The following P2RY8 variants were observed in gnomAD, a reference collection of about 807,000 sequenced individuals.
P2RY8 encodes P2Y receptor family member 8.
Under a neutral mutation model 10.0 loss-of-function variants are expected in P2RY8, and 6 were observed. The observed-to-expected ratio is 0.60, with a 90% CI of 0.33 to 1.19. The LOEUF (loss-of-function observed/expected upper bound fraction) is 1.19, where lower values mean the gene tolerates loss of function less well. P2RY8 is among the 50% of genes most tolerant of loss of function. P2RY8 has a pLI of 0.04. For missense variants in P2RY8, 456 were observed against 542.0 expected (o/e 0.84, Z 1.58); for synonymous variants, 276 against 252.5 (o/e 1.09, Z -0.88).
At chrX:1,491,011 G>A (rs2092041913) in intron 1 of P2RY8, among the ~76,000 whole-genome samples, 1 of 151,174 alleles carries the variant, frequency 6.6e-6, no homozygotes, top group Admixed American at 6.6e-5. Context: ...AATGTGGGGG[G>A]AATGAATGAA....
intron 1 of P2RY8, among the ~76,000 whole-genome samples, chrX:1,481,948 A>G (rs1465972125): frequency 2.0e-5 from 3 of 152,164 alleles, no homozygotes; most frequent in Non-Finnish European, 2.9e-5. Flanking sequence ...CCAACGAAGC[A>G]GACCGTTTGC....
chrX:1,467,945 C>G (rs190671304), intron 1 of P2RY8, among the ~76,000 whole-genome samples: 1 of 139,988 alleles, frequency 7.1e-6, no homozygotes, highest in South Asian at 2.3e-4. Flanking sequence ...TCCTGAGTAG[C>G]TGGGACTACA....
intron 1 of P2RY8, among the ~76,000 whole-genome samples, chrX:1,474,417 G>A (rs774250245): frequency 2.7e-5 from 3 of 111,934 alleles, no homozygotes; most frequent in South Asian, 4.9e-4. Context: ...GTGGATGGAC[G>A]TGTGAGTGGA....
chrX:1,471,794 C>T (rs1232346297), intron 1 of P2RY8, among the ~76,000 whole-genome samples: 13 of 152,090 alleles, frequency 8.5e-5, no homozygotes, highest in Admixed American at 2.0e-4. Flanking sequence ...GATTGCATGC[C>T]GGTGACAGAC....
At position 1,537,061 on chromosome X, in the gene P2RY8, C is replaced by T. The variant is rs1382952548; in HGVS notation, c.-165G>A. ...CACCAGCTTGCAAGCCGTGGTCACT[C>T]AAAGTGCTTGAGAAGGTGTTCGTGG... On this transcript the variant is annotated 5_prime_UTR_variant, in exon 1 of 2. Coordinates refer to ENST00000381297, the MANE Select transcript of P2RY8 (RefSeq NM_178129.5). 4 of 232,658 alleles carry T rather than the reference C, an allele frequency of 1.7e-5. No homozygotes were observed. The highest frequency in any genetic ancestry group is 1.7e-4 in the Admixed American group (3 of 17,768). The allele number at this position is 232,658 out of a possible 1,614,324, so 14.4% of individuals were successfully genotyped here. A position where few individuals can be genotyped will look rare whatever the true frequency, so the allele number is the denominator to read the frequency against.
chrX:1,513,099 C>G (rs1352649624), intron 1 of P2RY8, among the ~76,000 whole-genome samples: 1 of 150,400 alleles, frequency 6.6e-6, no homozygotes. Context: ...TCAACTCCCA[C>G]TTATGAGTGA....
chrX:1,478,582 G>A (rs1398100002), intron 1 of P2RY8, among the ~76,000 whole-genome samples: 3 of 151,930 alleles, frequency 2.0e-5, no homozygotes, highest in South Asian at 4.1e-4. Context: ...GGGTTCAAGC[G>A]ATTCTCTTGC....
At chrX:1,476,455 C>T (rs1415239957) in intron 1 of P2RY8, among the ~76,000 whole-genome samples, 1 of 151,552 alleles carries the variant, frequency 6.6e-6, no homozygotes, top group Admixed American at 6.6e-5. Flanking sequence ...GGCGTGGTGG[C>T]GGGTGCCTGT....
At chrX:1,534,748 A>G (rs2092512198) in intron 1 of P2RY8, among the ~76,000 whole-genome samples, 2 of 152,166 alleles carry the variant, frequency 1.3e-5, no homozygotes, top group Non-Finnish European at 2.9e-5. Context: ...CTCCAAGCGC[A>G]GGGCTGTACG....
intron 1 of P2RY8, among the ~76,000 whole-genome samples, chrX:1,491,798 A>C (rs1269079430): frequency 6.6e-5 from 10 of 152,288 alleles, no homozygotes; most frequent in Non-Finnish European, 2.9e-5. Flanking sequence ...TGAGTAAATG[A>C]ATGAATGAAT....
rs1167925415 is a variant in P2RY8, at chrX:1,466,160, G to C, written c.399C>G (p.Arg133=). 6.2e-7 allele frequency: 1 copy of C among 1,612,160 alleles called. No individual in the cohort carries two copies. The change falls in exon 2 of 2, where the codon CGC becomes CGG. Residue 133 remains arginine (R), a synonymous_variant. Coordinates refer to ENST00000381297, the MANE Select transcript of P2RY8 (RefSeq NM_178129.5). The part of the protein sequence containing the change: ...LGVLYPLSSK[R]WRRRRYAVAA... ...CCACCGCGTAACGACGGCGGCGCCA[G>C]CGCTTGGAGCTGAGCGGGTACAGGA...
intron 1 of P2RY8, among the ~76,000 whole-genome samples, chrX:1,506,541 G>C (rs1159128532): frequency 2.6e-5 from 4 of 152,150 alleles, no homozygotes; most frequent in African/African-American, 9.6e-5. Context: ...AAAGAAGGCA[G>C]AGGAGAGAGA....
intron 1 of P2RY8, among the ~76,000 whole-genome samples, chrX:1,495,971 C>G (rs1320972008): frequency 6.0e-5 from 8 of 132,254 alleles, no homozygotes; most frequent in East Asian, 2.4e-4. Context: ...TCTAAGTCCA[C>G]AAGAGAGGCC....
At chrX:1,472,729 G>A (rs1304652694) in intron 1 of P2RY8, among the ~76,000 whole-genome samples, 1 of 121,998 alleles carries the variant, frequency 8.2e-6, no homozygotes, top group Non-Finnish European at 1.7e-5. Flanking sequence ...GTGGGTGGGT[G>A]GGTGGATGTG....
intron 1 of P2RY8, among the ~76,000 whole-genome samples, chrX:1,511,690 C>T (rs1268772135): frequency 2.0e-5 from 3 of 152,124 alleles, no homozygotes; most frequent in Non-Finnish European, 2.9e-5. Flanking sequence ...CAACCAATCT[C>T]GTGATTTTAA....
intron 1 of P2RY8, among the ~76,000 whole-genome samples, chrX:1,506,687 T>C (rs1381033506): frequency 4.0e-5 from 6 of 151,830 alleles, no homozygotes; most frequent in East Asian, 1.9e-4. Context: ...TCTTTCTTTT[T>C]TTTTTTTTGA....
At chrX:1,530,156 T>TCTATC (rs1306077048) in intron 1 of P2RY8, among the ~76,000 whole-genome samples, 1 of 3,408 alleles carries the variant, frequency 2.9e-4, no homozygotes, top group African/African-American at 4.0e-4. Flanking sequence ...TATGTATGTA[T>TCTATC]GATCTATCTA....
intron 1 of P2RY8, among the ~76,000 whole-genome samples, chrX:1,503,632 C>A (rs1261448830): frequency 6.6e-5 from 10 of 152,064 alleles, no homozygotes; most frequent in African/African-American, 2.4e-4. Context: ...TGGTGGCTCA[C>A]ACCTGTAATC....
chrX:1,469,262 C>CA (rs1229687540), intron 1 of P2RY8, among the ~76,000 whole-genome samples: 2 of 149,846 alleles, frequency 1.3e-5, no homozygotes, highest in African/African-American at 4.9e-5. Context: ...CTCCCTGCTT[C>CA]AAGCGATTCT....
Sources: gnomAD v4.1 joint callset for allele counts (sites outside exome capture counted in the v4.1 genomes callset) on GRCh38, gnomAD v4.1.1 for gene constraint, MANE v1.5 for transcripts, NCBI Gene and HGNC (gene_info 2026-07-23, HGNC 2026-07-21) for gene names.